The following SHANK2 variants were observed in gnomAD, a reference collection of about 807,000 sequenced individuals.
SHANK2 encodes SH3 and multiple ankyrin repeat domains protein 2.
SHANK2 carries 43 observed loss-of-function variants against 133.7 expected under a neutral mutation model. The observed-to-expected ratio is 0.32, with a 90% CI of 0.25 to 0.41. SHANK2 has a LOEUF of 0.41. Ranked by LOEUF, SHANK2 falls within the 10% of genes least tolerant of loss-of-function variation. SHANK2 has a pLI of 1.00. For missense variants in SHANK2, 1,994 were observed against 2,235.8 expected (o/e 0.89, Z 2.18); for synonymous variants, 1,017 against 952.8 (o/e 1.07, Z -1.24).
chr11:70,560,600 G>A (rs1185740274), intron 17 of SHANK2, among the ~76,000 whole-genome samples: 1 of 150,138 alleles, frequency 6.7e-6, no homozygotes, highest in Non-Finnish European at 1.5e-5. Context: ...CAAAGTTGGA[G>A]GACTAACTTG....
chr11:70,857,140 A>G (rs1354272379), intron 11 of SHANK2, among the ~76,000 whole-genome samples: 6 of 152,194 alleles, frequency 3.9e-5, no homozygotes, highest in Admixed American at 3.9e-4. Context: ...GCTGGTTTCC[A>G]TGCTTTGCAT....
intron 17 of SHANK2, among the ~76,000 whole-genome samples, chr11:70,646,829 TTTTA>T (rs201368975): frequency 0.012 from 995 of 81,910 alleles, 4 homozygotes; most frequent in Middle Eastern, 0.064. Flanking sequence ...CTTTTATTTA[TTTTA>T]TTTATTTATT....
At chr11:70,884,653 C>T (rs1038217685) in intron 11 of SHANK2, among the ~76,000 whole-genome samples, 2 of 152,158 alleles carry the variant, frequency 1.3e-5, no homozygotes, top group African/African-American at 2.4e-5. Flanking sequence ...GTGTCCGGTC[C>T]CCCCCACCGA....
chr11:70,747,379 C>T (rs1946662699), intron 14 of SHANK2, among the ~76,000 whole-genome samples: 1 of 152,190 alleles, frequency 6.6e-6, no homozygotes, highest in Admixed American at 6.5e-5. Context: ...GTCCTGTTTT[C>T]TGCTGGTGGA....
intron 14 of SHANK2, among the ~76,000 whole-genome samples, chr11:70,701,531 G>A (rs1394857145): frequency 1.3e-5 from 2 of 152,052 alleles, no homozygotes; most frequent in African/African-American, 4.8e-5. Context: ...CTCCCGAGTA[G>A]CTAGGACTAC....
At chr11:70,859,187 G>A (rs575451323) in intron 11 of SHANK2, among the ~76,000 whole-genome samples, 2 of 152,322 alleles carry the variant, frequency 1.3e-5, no homozygotes, top group South Asian at 2.1e-4. Context: ...ATGAACAGAT[G>A]TCTGGATGGA....
intron 21 of SHANK2, among the ~76,000 whole-genome samples, chr11:70,498,821 G>A (rs1460723654): frequency 6.6e-6 from 1 of 152,182 alleles, no homozygotes; most frequent in Non-Finnish European, 1.5e-5. Context: ...GGTCTGGAGA[G>A]GATCAAATCC....
At chr11:71,167,223 A>G (rs577447325) in intron 2 of SHANK2, among the ~76,000 whole-genome samples, 1 of 152,142 alleles carries the variant, frequency 6.6e-6, no homozygotes, top group Admixed American at 6.5e-5. Context: ...CCGATTCTCA[A>G]TCTTTTCCCC....
intron 17 of SHANK2, among the ~76,000 whole-genome samples, chr11:70,559,877 A>ATTTG (rs1165142075): frequency 6.6e-6 from 1 of 150,800 alleles, no homozygotes; most frequent in Non-Finnish European, 1.5e-5. Context: ...TTATTTATTT[A>ATTTG]TTTATTTATT....
chr11:70,832,320 A>G (rs916749811), intron 11 of SHANK2, among the ~76,000 whole-genome samples: 2 of 152,230 alleles, frequency 1.3e-5, no homozygotes, highest in Non-Finnish European at 2.9e-5. Flanking sequence ...ATAATAAACA[A>G]GTCCTGGTCT....
intron 14 of SHANK2, among the ~76,000 whole-genome samples, chr11:70,741,359 CCA>C (rs1555034746): frequency 1.3e-5 from 2 of 152,104 alleles, no homozygotes; most frequent in African/African-American, 4.8e-5. Context: ...ATCCATCCAT[CCA>C]TCCATCCATC....
chr11:70,676,881 T>C (rs1487973771), intron 15 of SHANK2, among the ~76,000 whole-genome samples: 1 of 152,108 alleles, frequency 6.6e-6, no homozygotes, highest in Non-Finnish European at 1.5e-5. Flanking sequence ...GAAGATCTAG[T>C]CACAACCCCT....
chr11:71,089,576 A>C (rs1179372715), intron 8 of SHANK2, among the ~76,000 whole-genome samples: 1 of 152,134 alleles, frequency 6.6e-6, no homozygotes, highest in Non-Finnish European at 1.5e-5. Flanking sequence ...ACACCGAGAC[A>C]CATGGCTGGG....
intron 11 of SHANK2, chr11:70,873,136 T>C (rs1335631489): frequency 6.4e-6 from 3 of 470,638 alleles, no homozygotes; most frequent in Non-Finnish European, 1.3e-5. Context: ...ATGTTTGTGG[T>C]TCCCTAAAAC....
At chr11:70,548,297 G>A (rs1342549908) in intron 17 of SHANK2, among the ~76,000 whole-genome samples, 2 of 152,370 alleles carry the variant, frequency 1.3e-5, no homozygotes, top group African/African-American at 4.8e-5. Flanking sequence ...ACACAGACGT[G>A]CACACACAGC....
chr11:70,531,828 C>T (rs560909232), intron 17 of SHANK2, among the ~76,000 whole-genome samples: 2 of 152,236 alleles, frequency 1.3e-5, no homozygotes, highest in East Asian at 1.9e-4. Flanking sequence ...GAGACGGGGT[C>T]CTTGCAGCTC....
rs113953009 is a variant in SHANK2 at position 70,815,813 on chromosome 11, C to T, written c.1493+4551G>A. ...CCTGAGGCTGGTTCTGACCACACTG[C>T]CACGCCCACTGCAGTCCTGGCCAAG... On this transcript the variant is annotated intron_variant, in intron 12 of 25. Transcript: ENST00000601538. 1.5e-3 allele frequency among the ~76,000 whole-genome samples: 229 copies of T among 152,342 alleles called. 3 individuals carry two copies. The highest frequency in any genetic ancestry group is 5.1e-3 in the African/African-American group (210 of 41,574).
At chr11:70,554,311 G>T (rs748327253) in intron 17 of SHANK2, among the ~76,000 whole-genome samples, 1 of 152,134 alleles carries the variant, frequency 6.6e-6, no homozygotes, top group Admixed American at 6.5e-5. Context: ...AAGTCAATGC[G>T]TGCTCAGATG....
chr11:70,924,894 C>T (rs782353773), intron 10 of SHANK2, among the ~76,000 whole-genome samples: 57 of 152,166 alleles, frequency 3.7e-4, no homozygotes, highest in African/African-American at 3.1e-4. Context: ...CTGCCACTCC[C>T]GGAACAAGGC....
Sources: gnomAD v4.1 joint callset for allele counts (sites outside exome capture counted in the v4.1 genomes callset) on GRCh38, gnomAD v4.1.1 for gene constraint, MANE v1.5 for transcripts, NCBI Gene and HGNC (gene_info 2026-07-23, HGNC 2026-07-21) for gene names.